TAF3: variants seen among roughly 807,000 people sequenced by gnomAD.
The protein encoded by TAF3 is transcription initiation factor TFIID subunit 3.
Under a neutral mutation model 80.6 loss-of-function variants are expected in TAF3, and 7 were observed. The ratio of observed to expected loss-of-function variants is 0.09; its 90% CI spans 0.05 to 0.16. The LOEUF (loss-of-function observed/expected upper bound fraction) is 0.16. Ranked by LOEUF, TAF3 falls within the 10% of genes least tolerant of loss-of-function variation. TAF3 has a pLI of 1.00. For missense variants in TAF3, 921 were observed against 1,140.2 expected, an observed-to-expected ratio of 0.81 and a Z score of 2.77; for synonymous variants, 444 against 446.1, an observed-to-expected ratio of 1.00 and a Z score of 0.06.
At chr10:7,847,742 G>A (rs1564346700) in intron 2 of TAF3, among the ~76,000 whole-genome samples, 5 of 152,078 alleles carry the variant, frequency 3.3e-5, no homozygotes, top group African/African-American at 1.2e-4. Flanking sequence ...ACCATGCCTG[G>A]TATGTTTAGA....
rs546868294 is a variant in TAF3, at chr10:7,915,642, C to CAA, written c.410-48260_410-48259dup. Among the ~76,000 whole-genome samples the CAA allele has an allele frequency of 8.6e-3, 674 of 77,958 alleles. 7 individuals are homozygous for CAA. The highest frequency in any genetic ancestry group is 0.027 in the African/African-American group (531 of 19,370). 51.1% of individuals were successfully genotyped at this position (77,958 alleles called of 152,430 possible). A position where few individuals can be genotyped will look rare whatever the true frequency, so the allele number is the denominator to read the frequency against. Reference sequence around the variant, plus strand: ...TGGGCGACAGAGCGAAACTCCGTCTCAAAAAAAAAAAAAAAAAAAGAATCA... The same window carrying CAA: ...TGGGCGACAGAGCGAAACTCCGTCTCAAAAAAAAAAAAAAAAAAAAAGAATCA... On this transcript the variant is annotated intron_variant, in intron 2 of 6. Coordinates refer to ENST00000344293, the MANE Select transcript of TAF3 (RefSeq NM_031923.4).
intron 2 of TAF3, among the ~76,000 whole-genome samples, chr10:7,883,563 A>T (rs534680806): frequency 6.6e-6 from 1 of 152,338 alleles, no homozygotes; most frequent in South Asian, 2.1e-4. Context: ...TCTGTTTCTC[A>T]TCAAACTTTT....
intron 2 of TAF3, among the ~76,000 whole-genome samples, chr10:7,883,806 TG>T (rs1232660776): frequency 4.6e-5 from 7 of 152,234 alleles, no homozygotes; most frequent in South Asian, 4.1e-4. Flanking sequence ...TTAGAATACC[TG>T]GGTAATTTAT....
intron 2 of TAF3, among the ~76,000 whole-genome samples, chr10:7,908,981 G>T (rs1206496671): frequency 1.3e-5 from 2 of 152,236 alleles, no homozygotes; most frequent in Non-Finnish European, 2.9e-5. Context: ...GCTGCTAAGG[G>T]CTGGGAGTCC....
chr10:7,844,373 T>C (rs1384169930), intron 2 of TAF3, among the ~76,000 whole-genome samples: 1 of 144,582 alleles, frequency 6.9e-6, no homozygotes, highest in African/African-American at 2.6e-5. Context: ...CTTCTTCTTC[T>C]TGTTCTTTTT....
intron 2 of TAF3, among the ~76,000 whole-genome samples, chr10:7,860,122 A>C (rs1837129296): frequency 1.3e-5 from 2 of 151,960 alleles, no homozygotes; most frequent in South Asian, 4.2e-4. Context: ...AAATACAAAA[A>C]TTAGCTGGGT....
chr10:7,991,310 A>T (rs1360780940), intron 4 of TAF3, among the ~76,000 whole-genome samples: 2 of 152,142 alleles, frequency 1.3e-5, no homozygotes, highest in Non-Finnish European at 2.9e-5. Flanking sequence ...ATCTTCATAA[A>T]AATTATTTAA....
intron 2 of TAF3, among the ~76,000 whole-genome samples, chr10:7,846,839 A>G (rs1336299498): frequency 6.6e-6 from 1 of 152,214 alleles, no homozygotes; most frequent in African/African-American, 2.4e-5. Flanking sequence ...GACTAAAATA[A>G]TAAGTGGAAG....
chr10:7,843,138 G>A (rs114053941), intron 2 of TAF3, among the ~76,000 whole-genome samples: 1 of 152,272 alleles, frequency 6.6e-6, no homozygotes, highest in African/African-American at 2.4e-5. Context: ...ATGTTCTTGA[G>A]ACAGGGTCTT....
chr10:7,954,233 GA>G (rs1307235366), intron 2 of TAF3, among the ~76,000 whole-genome samples: 1 of 138,894 alleles, frequency 7.2e-6, no homozygotes, highest in Non-Finnish European at 1.6e-5. Context: ...TTCCTAGTGA[GA>G]TTCAGAGTGC....
Position 7,818,588 on chromosome 10 carries a change from G to A in TAF3, c.-122G>A. On this transcript the variant is annotated 5_prime_UTR_variant, in exon 1 of 7. Transcript: ENST00000344293. The stretch of plus-strand genomic sequence containing the variant: ...TGGGGCTTTGAGGTGGTCGCCGGGG[G>A]TCCGGGGGACCCTTTCCCCGCCGCG... The A allele has an allele frequency of 3.3e-5, 38 of 1,160,438 alleles. No homozygotes were observed. Among genetic ancestry groups the A allele is most frequent in the Non-Finnish European group, 4.1e-5 (36 of 867,976 alleles). The allele number at this position is 1,160,438 out of a possible 1,614,324, so 71.9% of individuals were successfully genotyped here. A position where few individuals can be genotyped will look rare whatever the true frequency, so the allele number is the denominator to read the frequency against.
intron 2 of TAF3, among the ~76,000 whole-genome samples, chr10:7,839,455 G>A (rs1253829486): frequency 6.6e-6 from 1 of 152,134 alleles, no homozygotes; most frequent in African/African-American, 2.4e-5. Context: ...TGTTCTTAGG[G>A]AAAGTTTTTC....
chr10:7,875,197 C>T (rs958262785), intron 2 of TAF3, among the ~76,000 whole-genome samples: 2 of 151,980 alleles, frequency 1.3e-5, no homozygotes, highest in Non-Finnish European at 2.9e-5. Flanking sequence ...TGTTCCTCCT[C>T]GATATTTTTT....
At chr10:7,852,812 A>G (rs1837041820) in intron 2 of TAF3, among the ~76,000 whole-genome samples, 1 of 152,278 alleles carries the variant, frequency 6.6e-6, no homozygotes, top group South Asian at 2.1e-4. Flanking sequence ...ATCATCTACT[A>G]TTTGGTTTCC....
At chr10:7,830,293 T>C (rs1036540471) in intron 2 of TAF3, among the ~76,000 whole-genome samples, 1 of 151,800 alleles carries the variant, frequency 6.6e-6, no homozygotes, top group African/African-American at 2.4e-5. Context: ...TATCTCAGAA[T>C]AGCTTCTATG....
Position 7,964,623 on chromosome 10 carries a change from G to C in TAF3, c.1113G>C (p.Leu371=). 1 of 1,614,162 alleles carries C rather than the reference G, an allele frequency of 6.2e-7. No homozygotes were observed. Among genetic ancestry groups the C allele is most frequent in the Non-Finnish European group, 8.5e-7 (1 of 1,180,030 alleles). ...AGACACCCCCTGATGCTGGGAAACT[G>C]AACAGTGAGAATCAGCCGAAAAAGG... ...QIQTPPDAGK[L]NSENQPKKAV... The change falls in exon 3 of 7, where the codon CTG becomes CTC. Residue 371 remains leucine, a synonymous_variant. Coordinates refer to ENST00000344293, the MANE Select transcript of TAF3 (RefSeq NM_031923.4). The surrounding 1 kb of genome is among the most constrained non-coding windows in gnomAD (Gnocchi z 4.1).
intron 2 of TAF3, among the ~76,000 whole-genome samples, chr10:7,933,270 T>C (rs1837886675): frequency 6.6e-6 from 1 of 152,154 alleles, no homozygotes; most frequent in Admixed American, 6.5e-5. Flanking sequence ...AACATACAAG[T>C]GTTTACATGA....
chr10:7,876,441 T>C (rs1388280121), intron 2 of TAF3, among the ~76,000 whole-genome samples: 1 of 152,218 alleles, frequency 6.6e-6, no homozygotes, highest in East Asian at 1.9e-4. Context: ...AAGTACATAT[T>C]GTTTTCTAAA....
At chr10:8,007,359 T>A (rs1006699640) in intron 4 of TAF3, among the ~76,000 whole-genome samples, 3 of 151,572 alleles carry the variant, frequency 2.0e-5, no homozygotes, top group African/African-American at 7.3e-5. Context: ...ATGTATTGTT[T>A]ATGGACACCT....
Sources: allele counts gnomAD v4.1 joint callset (sites outside exome capture counted in the v4.1 genomes callset), GRCh38; gene constraint gnomAD v4.1.1; non-coding constraint Gnocchi (gnomAD v3.1); transcripts MANE v1.5; gene names NCBI Gene and HGNC (gene_info 2026-07-23, HGNC 2026-07-21).